The following COL3A1 variants were observed in gnomAD, a reference collection of about 807,000 sequenced individuals.
COL3A1 encodes the protein collagen type III alpha 1 chain.
Under a neutral mutation model 200.9 loss-of-function variants are expected in COL3A1, and 46 were observed. The ratio of observed to expected loss-of-function variants is 0.23; its 90% CI spans 0.18 to 0.29. The LOEUF (loss-of-function observed/expected upper bound fraction) is 0.29, where lower values mean the gene tolerates loss of function less well. COL3A1 is among the 10% of genes least tolerant of loss of function. The pLI is 1.00. For missense variants in COL3A1, 1,367 were observed against 1,917.6 expected, an observed-to-expected ratio of 0.71 and a Z score of 5.36; for synonymous variants, 650 against 628.0, an observed-to-expected ratio of 1.03 and a Z score of -0.52.
chr2:189,001,019 A>G (rs931541435), intron 32 of COL3A1, among the ~76,000 whole-genome samples: 26 of 152,200 alleles, frequency 1.7e-4, no homozygotes, highest in African/African-American at 5.8e-4. Context: ...AAAATTTAAT[A>G]TGTACAATGA....
intron 8 of COL3A1, among the ~76,000 whole-genome samples, chr2:188,989,688 A>G (rs1688145377): frequency 1.3e-5 from 2 of 152,132 alleles, no homozygotes; most frequent in Admixed American, 6.6e-5. Flanking sequence ...TGCGGAGAAG[A>G]CTCATCCATT....
At chr2:189,008,559 G>A (rs1323860401) in intron 47 of COL3A1, 1 of 390,062 alleles carries the variant, frequency 2.6e-6, no homozygotes, top group East Asian at 5.8e-5. Context: ...CATGCCTTTG[G>A]GTAAATGAAA....
At chr2:188,978,482 T>C (rs879603388) in intron 1 of COL3A1, among the ~76,000 whole-genome samples, 3 of 152,002 alleles carry the variant, frequency 2.0e-5, no homozygotes, top group Non-Finnish European at 4.4e-5. Context: ...ACAGTTTCCA[T>C]TGTGAATGGC....
chr2:189,012,596 G>GT lies in COL3A1; in HGVS notation c.*823dup, dbSNP rs1191807359. 1 of 152,516 alleles carries GT rather than the reference G, an allele frequency of 6.6e-6. No homozygotes were observed. The highest frequency in any genetic ancestry group is 1.5e-5 in the Non-Finnish European group (1 of 68,012). 9.4% of individuals were successfully genotyped at this position (152,516 alleles called of 1,614,324 possible). A position where few individuals can be genotyped will look rare whatever the true frequency, so the allele number is the denominator to read the frequency against. On this transcript the variant is annotated 3_prime_UTR_variant, in exon 51 of 51. Coordinates refer to ENST00000304636, the MANE Select transcript of COL3A1 (RefSeq NM_000090.4). ...ACAGGGGATTCTCCTCCTTCATCCT[G>GT]TAAAGGTCAACAATAAAAACCAAAT... is the stretch of plus-strand genomic sequence containing the variant.
chr2:188,979,459 A>G (rs1687904471), intron 1 of COL3A1, among the ~76,000 whole-genome samples: 1 of 151,846 alleles, frequency 6.6e-6, no homozygotes, highest in African/African-American at 2.4e-5. Context: ...GTCTGGTACT[A>G]TTGTTGTTAG....
At chr2:189,002,497 A>T in intron 35 of COL3A1, 146 bp downstream of exon 35, 1 of 738,074 alleles carries the variant, frequency 1.4e-6, no homozygotes, top group Non-Finnish European at 2.4e-6. Context: ...ATTTTGTTTT[A>T]CTTTACCCCT....
intron 1 of COL3A1, among the ~76,000 whole-genome samples, chr2:188,983,439 T>A (rs1448582135): frequency 1.3e-5 from 2 of 151,970 alleles, no homozygotes; most frequent in Non-Finnish European, 2.9e-5. Flanking sequence ...GAAATTCTTT[T>A]TGGTGAACAT....
intron 2 of COL3A1, 64 bp downstream of exon 2, chr2:188,985,026 A>G (rs1288365289): frequency 2.1e-6 from 3 of 1,456,162 alleles, no homozygotes; most frequent in South Asian, 2.3e-5. Context: ...TAGCTCCTAT[A>G]TCATAGGAGC....
In COL3A1 at chr2:188,994,222, G is replaced by T; in HGVS notation, c.1195-12G>T. On this transcript the variant is annotated splice_polypyrimidine_tract_variant and intron_variant, in intron 17 of 50. Coordinates refer to ENST00000304636, the MANE Select transcript of COL3A1 (RefSeq NM_000090.4). This position sits in a 1 kb window ranked among gnomAD's most constrained non-coding sequence, Gnocchi z 4.5. ...AAGTTCGGCTAATATAGTGTCTTTG[G>T]TTTGTTCTTAGGGTCCCGCTGGCAT... The T allele has an allele frequency of 6.2e-7, 1 of 1,614,030 alleles. No homozygotes were observed. Among genetic ancestry groups the T allele is most frequent in the Non-Finnish European group, 8.5e-7 (1 of 1,179,928 alleles).
chr2:188,988,483 A>T (rs764484048), intron 6 of COL3A1, 107 bp from the exon 7 acceptor site: 15 of 805,172 alleles, frequency 1.9e-5, no homozygotes, highest in Non-Finnish European at 2.9e-5. Context: ...AAACTGGAGT[A>T]AAATTTGCTG....
rs16830970 is a variant in COL3A1 at position 188,982,784 on chromosome 2, A to C, written c.80-1976A>C. ...TAAAGTTGATTTGGAGAAAATTTTT[A>C]AGTGGTTCATTTTGAGAAAAGGAAC... On this transcript the variant is annotated intron_variant, in intron 1 of 50. Transcript: ENST00000304636. Among the ~76,000 whole-genome samples the C allele has an allele frequency of 3.2e-3, 479 of 151,982 alleles. 3 individuals carry two copies. Among genetic ancestry groups the C allele is most frequent in the African/African-American group, 0.011 (450 of 41,532 alleles).
intron 50 of COL3A1, 135 bp from the exon 51 acceptor site, chr2:189,011,493 G>T: frequency 1.1e-6 from 1 of 918,946 alleles, no homozygotes; most frequent in East Asian, 2.6e-5. Flanking sequence ...AGTAGAGCAG[G>T]TCTCATATAC....
Position 188,992,929 on chromosome 2 carries a change from C to G in COL3A1, c.1039C>G (p.Pro347Ala), listed in dbSNP as rs745510443. The G allele has an allele frequency of 1.2e-6, 2 of 1,613,840 alleles. No homozygotes were observed. The highest frequency in any genetic ancestry group is 1.7e-6 in the Non-Finnish European group (2 of 1,179,880). The change falls in exon 15 of 51, where the codon CCT (proline) becomes GCT (alanine). Residue 347 changes from proline to alanine, a missense_variant. Physicochemically the swap from Pro to Ala is conservative, Grantham distance 27. Around this residue, in one of 5 missense-constraint regions of COL3A1, gnomAD observed 462 missense variants for 681.4 expected, o/e 0.68. Coordinates refer to ENST00000304636, the MANE Select transcript of COL3A1 (RefSeq NM_000090.4). ...TGGAACTGCCGGATTCCCTGGATCCCCTGGTGCTAAGGTAAACATGTGTTT... is the reference window on the plus strand; with the variant it reads ...TGGAACTGCCGGATTCCCTGGATCCGCTGGTGCTAAGGTAAACATGTGTTT... ...PPGTAGFPGSPGAKGEVGPAG... is the reference protein window; with the variant it reads ...PPGTAGFPGSAGAKGEVGPAG...
At position 188,994,042 on chromosome 2, in the gene COL3A1, C is replaced by G; in HGVS notation, c.1154C>G (p.Pro385Arg). ...GHAGAQGPPG[P>R]PGINGSPGGK... is the part of the protein sequence containing the mutation. ...ATCTGTTTTTTGTATACTTAGGGCC[C>G]TCCTGGGATTAATGGTAGTCCTGGT... The change falls in exon 17 of 51, where the codon CCT becomes CGT. Residue 385 changes from proline (P) to arginine (R), a missense_variant. This residue lies in a region of COL3A1 where 462 missense variants were observed against 681.4 expected (regional missense o/e 0.68). Coordinates refer to ENST00000304636, the MANE Select transcript of COL3A1 (RefSeq NM_000090.4). This position sits in a 1 kb window ranked among gnomAD's most constrained non-coding sequence, Gnocchi z 4.5. 6.2e-7 allele frequency: 1 copy of G among 1,613,984 alleles called. No individual in the cohort carries two copies. The highest frequency in any genetic ancestry group is 1.1e-5 in the South Asian group (1 of 91,068).
chr2:189,000,223 A>T (rs1310940227), intron 32 of COL3A1, among the ~76,000 whole-genome samples: 1 of 152,220 alleles, frequency 6.6e-6, no homozygotes, highest in African/African-American at 2.4e-5. Flanking sequence ...TCAAAATTCA[A>T]TATAGTAAGT....
chr2:188,984,538 A>G (rs1184937659), intron 1 of COL3A1, among the ~76,000 whole-genome samples: 2 of 152,068 alleles, frequency 1.3e-5, no homozygotes, highest in African/African-American at 4.8e-5. Flanking sequence ...AAAATTGACT[A>G]TGGTGTGCCA....
chr2:188,998,332 TCATTATTC>T lies in COL3A1; in HGVS notation c.1977+14_1977+21del. 6.2e-7 allele frequency: 1 copy of T among 1,611,816 alleles called. No homozygotes were observed. On this transcript the variant is annotated intron_variant, in intron 28 of 50. Coordinates refer to ENST00000304636, the MANE Select transcript of COL3A1 (RefSeq NM_000090.4). The stretch of plus-strand genomic sequence containing the variant: ...ACCTGGGGAACCAGTAAGTTACGTT[TCATTATTC>T]AAAACTCAGAAACAAAAAGAATACA...
intron 27 of COL3A1, 130 bp from the exon 28 acceptor site, chr2:188,998,136 C>A (rs764923997): frequency 2.5e-6 from 2 of 797,776 alleles, no homozygotes; most frequent in African/African-American, 1.7e-5. Context: ...TTGAGTGGCA[C>A]AACGTTTCTA....
At chr2:188,991,585 C>G (rs975345843) in intron 12 of COL3A1, 54 bp downstream of exon 12, 3 of 1,600,556 alleles carry the variant, frequency 1.9e-6, no homozygotes, top group Non-Finnish European at 2.6e-6. Flanking sequence ...CTCATTGTTA[C>G]CTAAAACTGG....
Sources: gnomAD v4.1 joint callset for allele counts (sites outside exome capture counted in the v4.1 genomes callset) on GRCh38, gnomAD v4.1.1 for gene constraint, gnomAD v4.1.1 regional missense constraint, Gnocchi (gnomAD v3.1) non-coding constraint, MANE v1.5 for transcripts, NCBI Gene and HGNC (gene_info 2026-07-23, HGNC 2026-07-21) for gene names.